The following CSPP1 variants were observed in gnomAD, a reference collection of about 807,000 sequenced individuals.
The protein encoded by CSPP1 is centrosome and spindle pole-associated protein 1.
Under a neutral mutation model 164.4 loss-of-function variants are expected in CSPP1, and 126 were observed. The observed-to-expected ratio is 0.77, with a 90% CI of 0.66 to 0.89. The LOEUF is 0.89. Among genes scored for constraint, CSPP1 ranks in the 40% least tolerant of loss-of-function variants. CSPP1 has a pLI of 0.00. For missense variants in CSPP1, 1,395 were observed against 1,449.8 expected (o/e 0.96, Z 0.61); for synonymous variants, 472 against 476.7 (o/e 0.99, Z 0.13).
At chr8:67,133,589 G>A (rs558354118) in intron 16 of CSPP1, 45 of 152,354 alleles carry the variant, frequency 3.0e-4, no homozygotes, top group African/African-American at 9.6e-4. Flanking sequence ...AATGTTGATG[G>A]CTGCTGACTG....
At chr8:67,145,426 T>TTCAGTG (rs1170099100) in intron 17 of CSPP1, among the ~76,000 whole-genome samples, 1 of 152,116 alleles carries the variant, frequency 6.6e-6, no homozygotes, top group Non-Finnish European at 1.5e-5. Context: ...TTTTCTCTGC[T>TTCAGTG]TTTCTTCTTG....
intron 3 of CSPP1, among the ~76,000 whole-genome samples, chr8:67,082,591 T>A (rs1017026949): frequency 1.3e-5 from 2 of 152,198 alleles, no homozygotes; most frequent in African/African-American, 4.8e-5. Context: ...TATTTTTACA[T>A]AATGCTTTTT....
At chr8:67,096,578 A>AAT (rs1395664689) in intron 7 of CSPP1, among the ~76,000 whole-genome samples, 2 of 150,568 alleles carry the variant, frequency 1.3e-5, no homozygotes, top group Non-Finnish European at 3.0e-5. Context: ...AAAAAAAAAA[A>AAT]GTGTGGCTGG....
chr8:67,159,147 A>G lies in CSPP1; in HGVS notation c.2538+10A>G, dbSNP rs141325681. Reference sequence around the variant, plus strand: ...TGGGGAAGAAACAAAGGTAAGTTTCAGACAAAAATGTCAATCAAACCCATA... The same window carrying G: ...TGGGGAAGAAACAAAGGTAAGTTTCGGACAAAAATGTCAATCAAACCCATA... On this transcript the variant is annotated intron_variant, in intron 21 of 30. Transcript: ENST00000678616. 1.9e-5 allele frequency: 30 copies of G among 1,594,926 alleles called. No homozygotes were observed. Among genetic ancestry groups the G allele is most frequent in the Non-Finnish European group, 2.6e-5 (30 of 1,174,634 alleles).
Position 67,116,162 on chromosome 8 carries a change from G to A in CSPP1, c.1496+40G>A, listed in dbSNP as rs777324272. 1.0e-5 allele frequency: 14 copies of A among 1,401,774 alleles called. No individual in the cohort carries two copies. In the Admixed American group the frequency reaches 1.8e-4, roughly 18 times the overall value. The allele number at this position is 1,401,774 out of a possible 1,614,324, so 86.8% of individuals were successfully genotyped here. A position where few individuals can be genotyped will look rare whatever the true frequency, so the allele number is the denominator to read the frequency against. ...GTTTTGTGTTTGGGAATTAGGTAAG[G>A]TATTGCTATATTTTATGTTTAGAAG... On this transcript the variant is annotated intron_variant, in intron 13 of 30. Coordinates refer to ENST00000678616, the MANE Select transcript of CSPP1 (RefSeq NM_001382391.1).
intron 15 of CSPP1, among the ~76,000 whole-genome samples, chr8:67,121,725 AT>A (rs1163402361): frequency 1.3e-5 from 2 of 152,122 alleles, no homozygotes; most frequent in Non-Finnish European, 2.9e-5. Flanking sequence ...AAGTTTGAGG[AT>A]TTATATTAGT....
intron 16 of CSPP1, chr8:67,135,039 G>A (rs932366828): frequency 6.6e-6 from 1 of 152,170 alleles, no homozygotes; most frequent in African/African-American, 2.4e-5. Context: ...TTAATACAAG[G>A]CTGTTTTGTC....
In CSPP1 at chr8:67,193,576, A is replaced by G; in HGVS notation, c.3443A>G (p.Glu1148Gly). Residue 1148 changes from glutamate to glycine, a missense_variant, in exon 30 of 31, where the codon GAA (glutamate) becomes GGA (glycine). Glu to Gly is a moderately conservative substitution (Grantham distance 98). Transcript: ENST00000678616. ...GAGGAACGAATGCGAAGACTGAATGAATTTCACAATAAACCTATTAATACA... is the reference window on the plus strand; with the variant it reads ...GAGGAACGAATGCGAAGACTGAATGGATTTCACAATAAACCTATTAATACA... ...RNEERMRRLN[E>G]FHNKPINTDD... is the part of the protein sequence containing the mutation. 6.2e-7 allele frequency: 1 copy of G among 1,613,754 alleles called. No homozygotes were observed. Among genetic ancestry groups the G allele is most frequent in the African/African-American group, 1.3e-5 (1 of 75,050 alleles).
intron 15 of CSPP1, among the ~76,000 whole-genome samples, chr8:67,125,138 C>G (rs369642517): frequency 1.3e-5 from 2 of 152,142 alleles, no homozygotes; most frequent in East Asian, 3.8e-4. Context: ...TGAAGGACTC[C>G]CTTCAGTGTT....
chr8:67,093,689 G>A (rs777906153), intron 6 of CSPP1, 48 bp downstream of exon 6: 2 of 1,036,790 alleles, frequency 1.9e-6, no homozygotes, highest in African/African-American at 1.6e-5. Context: ...ACCACAGGTT[G>A]AATATTTTGT....
chr8:67,159,966 C>CTTTTCTT lies in CSPP1; in HGVS notation c.2538+832_2538+838dup, dbSNP rs1563714348. On this transcript the variant is annotated intron_variant, in intron 21 of 30. Coordinates refer to ENST00000678616, the MANE Select transcript of CSPP1 (RefSeq NM_001382391.1). ...CCTTCCTTCCTTCCTTCTTTCTTTT[C>CTTTTCTT]TTTTCTTTTCTTTTCTTTTCTTTTC... Among the ~76,000 whole-genome samples, 75 of 41,316 alleles carry CTTTTCTT rather than the reference C, an allele frequency of 1.8e-3. 4 individuals are homozygous for CTTTTCTT. Among genetic ancestry groups the CTTTTCTT allele is most frequent in the Non-Finnish European group, 1.8e-3 (46 of 25,992 alleles). The allele number at this position is 41,316 out of a possible 152,430, so 27.1% of individuals were successfully genotyped here.
intron 3 of CSPP1, among the ~76,000 whole-genome samples, chr8:67,084,508 GGT>G (rs1472087377): frequency 6.6e-6 from 1 of 152,114 alleles, no homozygotes; most frequent in Non-Finnish European, 1.5e-5. Context: ...GGCACAAAAT[GGT>G]GATTTTTATA....
intron 23 of CSPP1, among the ~76,000 whole-genome samples, 183 bp downstream of exon 23, chr8:67,163,981 G>A (rs897524302): frequency 1.3e-4 from 20 of 152,154 alleles, no homozygotes; most frequent in African/African-American, 4.8e-4. Flanking sequence ...CCAGGAAGTG[G>A]ACATTGATGT....
chr8:67,078,986 G>A (rs367891268), intron 3 of CSPP1, among the ~76,000 whole-genome samples: 1 of 151,978 alleles, frequency 6.6e-6, no homozygotes, highest in Admixed American at 6.6e-5. Context: ...AAAAAAAAGA[G>A]TAGTTGTTTG....
intron 4 of CSPP1, among the ~76,000 whole-genome samples, chr8:67,090,735 T>C (rs1811444560): frequency 1.3e-5 from 2 of 152,230 alleles, no homozygotes; most frequent in Non-Finnish European, 2.9e-5. Context: ...CCCTTGAATA[T>C]AGGGAAAATA....
chr8:67,092,111 C>A (rs913934268), intron 5 of CSPP1, among the ~76,000 whole-genome samples: 1 of 152,078 alleles, frequency 6.6e-6, no homozygotes, highest in African/African-American at 2.4e-5. Context: ...TATGTTGATT[C>A]TTTTGCTGTA....
chr8:67,086,323 C>G (rs1810397978), intron 4 of CSPP1: 1 of 599,772 alleles, frequency 1.7e-6, no homozygotes, highest in Non-Finnish European at 3.1e-6. Context: ...GACTTTTGAC[C>G]TTTTGACTAA....
chr8:67,172,324 G>A, intron 24 of CSPP1, 92 bp from the exon 25 acceptor site: 3 of 1,071,182 alleles, frequency 2.8e-6, no homozygotes, highest in Non-Finnish European at 4.2e-6. Context: ...ATGATGTGGT[G>A]AAAAAGACCA....
At chr8:67,095,811 CATT>C (rs1350364037) in intron 7 of CSPP1, 79 bp downstream of exon 7, 1 of 862,052 alleles carries the variant, frequency 1.2e-6, no homozygotes, top group Non-Finnish European at 1.8e-6. Context: ...TACTTTTTAT[CATT>C]ATACTAGGGA....
Sources: allele counts gnomAD v4.1 joint callset (sites outside exome capture counted in the v4.1 genomes callset), GRCh38; gene constraint gnomAD v4.1.1; transcripts MANE v1.5; gene names NCBI Gene and HGNC (gene_info 2026-07-23, HGNC 2026-07-21).